The following AHCYL1 variants were observed in gnomAD, a reference collection of about 807,000 sequenced individuals.
AHCYL1 encodes adenosylhomocysteinase like 1.
In AHCYL1, 20 loss-of-function variants were observed where a neutral mutation model predicts 79.3. The ratio of observed to expected loss-of-function variants is 0.25; its 90% CI spans 0.18 to 0.37. The LOEUF is 0.37. AHCYL1 is among the 10% of genes least tolerant of loss of function. The probability of loss-of-function intolerance (pLI) is 1.00; values close to 1 mark genes in which losing one functional copy is unlikely to be tolerated. For synonymous variants in AHCYL1, 223 were observed against 242.2 expected (o/e 0.92, Z 0.74); for missense variants, 330 against 673.6 (o/e 0.49, Z 5.65).
chr1:109,996,139 G>A (rs901310397), intron 1 of AHCYL1, among the ~76,000 whole-genome samples: 1 of 152,160 alleles, frequency 6.6e-6, no homozygotes, highest in South Asian at 2.1e-4. Flanking sequence ...CCCATGGGGC[G>A]GAGCAGGTTG....
rs559357946 is a variant in AHCYL1, at chr1:110,023,444, C to T, written c.*1764C>T. The T allele has an allele frequency of 2.0e-5, 3 of 152,700 alleles. No individual in the cohort carries two copies. In the South Asian group the frequency reaches 6.2e-4, roughly 32 times the overall value. The allele number at this position is 152,700 out of a possible 1,614,324, so 9.5% of individuals were successfully genotyped here. A position where few individuals can be genotyped will look rare whatever the true frequency, so the allele number is the denominator to read the frequency against. ...GGAGGTAACCTGGCCAACAGTGTAT[C>T]CATCACGTTAGCCCTGCTGGAGGGA... is the stretch of plus-strand genomic sequence containing the variant. On this transcript the variant is annotated 3_prime_UTR_variant, in exon 17 of 17. Coordinates refer to ENST00000369799, the MANE Select transcript of AHCYL1 (RefSeq NM_006621.7).
At chr1:109,985,260 C>A (rs534162999) in intron 1 of AHCYL1, 88 bp downstream of exon 1, 212 of 1,488,742 alleles carry the variant, frequency 1.4e-4, no homozygotes, top group Non-Finnish European at 1.8e-4. Context: ...TAGTTTGGGA[C>A]TTCTGGGGGT....
Position 110,015,406 on chromosome 1 carries a change from T to C in AHCYL1, c.676-19T>C. ...CTAGCAGCCTGAATGCCCATAGAAG[T>C]CTTCTGGCTGTTCTATAGATCCTGG... On this transcript the variant is annotated intron_variant, in intron 6 of 16. Transcript: ENST00000369799. The C allele has an allele frequency of 1.3e-6, 2 of 1,599,738 alleles. No individual in the cohort carries two copies. The highest frequency in any genetic ancestry group is 1.7e-6 in the Non-Finnish European group (2 of 1,166,914).
intron 1 of AHCYL1, chr1:110,004,593 G>T (rs1405622017): frequency 1.3e-6 from 1 of 768,898 alleles, no homozygotes; most frequent in Non-Finnish European, 1.6e-6. Context: ...CTGTTTCTTT[G>T]GGTTCATCTG....
intron 2 of AHCYL1, among the ~76,000 whole-genome samples, chr1:110,010,874 T>G (rs756277578): frequency 3.9e-5 from 6 of 152,244 alleles, no homozygotes; most frequent in Non-Finnish European, 7.3e-5. Flanking sequence ...ATTATTCTTC[T>G]GTTTTTGCCA....
intron 7 of AHCYL1, 97 bp from the exon 8 acceptor site, chr1:110,016,247 C>A: frequency 1.3e-6 from 1 of 751,796 alleles, no homozygotes. Flanking sequence ...GGAAGGGCAG[C>A]ATGGAACTTG....
chr1:110,015,566 T>C (rs769794983), intron 7 of AHCYL1, 35 bp downstream of exon 7: 1 of 1,572,378 alleles, frequency 6.4e-7, no homozygotes, highest in Non-Finnish European at 8.8e-7. Context: ...CCTTGTGTCC[T>C]TGCCTCAGCA....
intron 1 of AHCYL1, among the ~76,000 whole-genome samples, chr1:109,999,210 G>A (rs926635775): frequency 1.3e-5 from 2 of 151,858 alleles, no homozygotes; most frequent in Non-Finnish European, 2.9e-5. Flanking sequence ...TGTATACATT[G>A]TGAAATTATT....
intron 1 of AHCYL1, among the ~76,000 whole-genome samples, chr1:109,992,292 C>A (rs333078): frequency 0.31 from 47,327 of 151,580 alleles, 7,753 homozygotes; most frequent in East Asian, 0.42. Context: ...CACCTGTAGT[C>A]CCAGCTACCC....
intron 6 of AHCYL1, 72 bp from the exon 7 acceptor site, chr1:110,015,353 G>C: frequency 8.3e-7 from 1 of 1,206,928 alleles, no homozygotes; most frequent in Non-Finnish European, 1.2e-6. Context: ...TACTAGTACA[G>C]AAAGTGGGTT....
intron 1 of AHCYL1, among the ~76,000 whole-genome samples, chr1:110,000,619 A>G (rs1329487439): frequency 6.6e-6 from 1 of 152,234 alleles, no homozygotes; most frequent in Non-Finnish European, 1.5e-5. Flanking sequence ...GAAAGCTTAT[A>G]GTGCAACAGT....
At chr1:110,008,395 G>A (rs775807967) in intron 1 of AHCYL1, among the ~76,000 whole-genome samples, 5 of 152,248 alleles carry the variant, frequency 3.3e-5, no homozygotes, top group Middle Eastern at 3.4e-3. Flanking sequence ...ATTTACTATA[G>A]TGTATGTGGG....
rs1451279033 is a variant in AHCYL1 at position 109,999,788 on chromosome 1, TG to T, written c.121-9245del. On this transcript the variant is annotated intron_variant, in intron 1 of 16. Coordinates refer to ENST00000369799, the MANE Select transcript of AHCYL1 (RefSeq NM_006621.7). Reference sequence around the variant, plus strand: ...TTTTTATTTTTTGGAGACAGGGTCTTGCTCTGTTGCCCTGGAGTACACTGGC... The same window carrying T: ...TTTTTATTTTTTGGAGACAGGGTCTTCTCTGTTGCCCTGGAGTACACTGGC... Among the ~76,000 whole-genome samples the T allele has an allele frequency of 2.0e-5, 3 of 152,218 alleles. No homozygotes were observed. The East Asian group carries it at 5.8e-4, about 29-fold the overall frequency.
At chr1:109,986,740 A>G (rs1649488449) in intron 1 of AHCYL1, among the ~76,000 whole-genome samples, 1 of 152,222 alleles carries the variant, frequency 6.6e-6, no homozygotes, top group East Asian at 1.9e-4. Flanking sequence ...GACAAAGTCT[A>G]TATCGTAGAT....
intron 7 of AHCYL1, 112 bp from the exon 8 acceptor site, chr1:110,016,232 G>T: frequency 1.5e-6 from 1 of 679,134 alleles, no homozygotes; most frequent in South Asian, 1.9e-5. Context: ...CAATAAATGA[G>T]ACTGGGAAGG....
intron 1 of AHCYL1, among the ~76,000 whole-genome samples, chr1:110,004,750 A>G (rs1650539049): frequency 6.6e-6 from 1 of 151,416 alleles, no homozygotes; most frequent in Non-Finnish European, 1.5e-5. Context: ...TGTCTCTTTA[A>G]AAAGAGAGAG....
intron 1 of AHCYL1, among the ~76,000 whole-genome samples, chr1:110,005,830 A>G (rs879487248): frequency 6.6e-6 from 1 of 151,988 alleles, no homozygotes; most frequent in Non-Finnish European, 1.5e-5. Context: ...GAGGTATGTA[A>G]CTTTTTTGGA....
At chr1:110,010,248 T>C (rs775620538) in intron 2 of AHCYL1, among the ~76,000 whole-genome samples, 6 of 152,204 alleles carry the variant, frequency 3.9e-5, no homozygotes, top group Non-Finnish European at 7.3e-5. Context: ...AGCTTAGTGA[T>C]ATGGTTAAAA....
intron 1 of AHCYL1, among the ~76,000 whole-genome samples, chr1:110,004,603 G>A (rs545702362): frequency 8.5e-5 from 13 of 152,216 alleles, no homozygotes; most frequent in African/African-American, 3.1e-4. Flanking sequence ...GGGTTCATCT[G>A]AAGTGGGAAT....
Sources: allele counts gnomAD v4.1 joint callset (sites outside exome capture counted in the v4.1 genomes callset), GRCh38; gene constraint gnomAD v4.1.1; transcripts MANE v1.5; gene names NCBI Gene and HGNC (gene_info 2026-07-23, HGNC 2026-07-21).